The following SNX9 variants were observed in gnomAD, a reference collection of about 807,000 sequenced individuals.
The protein encoded by SNX9 is sorting nexin 9.
In SNX9, 44 loss-of-function variants were observed where a neutral mutation model predicts 89.4. The ratio of observed to expected loss-of-function variants is 0.49; its 90% CI spans 0.39 to 0.63. The LOEUF is 0.63. Ranked by LOEUF, SNX9 falls within the 30% of genes least tolerant of loss-of-function variation. The pLI is 0.00. For synonymous variants in SNX9, 236 were observed against 247.8 expected, an observed-to-expected ratio of 0.95 and a Z score of 0.45; for missense variants, 578 against 736.1, an observed-to-expected ratio of 0.79 and a Z score of 2.49.
intron 1 of SNX9, among the ~76,000 whole-genome samples, chr6:157,841,528 T>G (rs1028366219): frequency 2.0e-4 from 31 of 152,144 alleles, no homozygotes; most frequent in African/African-American, 7.2e-4. Context: ...TTTAATTGGT[T>G]CCAGGAGGTC....
At chr6:157,825,882 G>A (rs1297219661) in intron 1 of SNX9, among the ~76,000 whole-genome samples, 2 of 152,078 alleles carry the variant, frequency 1.3e-5, no homozygotes, top group Admixed American at 6.6e-5. Context: ...TCAAGGGGTG[G>A]GGAGAATGTG....
intron 1 of SNX9, among the ~76,000 whole-genome samples, chr6:157,865,775 C>T (rs1324842314): frequency 6.6e-6 from 1 of 152,128 alleles, no homozygotes; most frequent in Non-Finnish European, 1.5e-5. Context: ...CCTTTATTCT[C>T]ATTAAAATAA....
In SNX9 at chr6:157,823,449, G is replaced by T; in HGVS notation, c.12+3G>T. On this transcript the variant is annotated splice_donor_region_variant and intron_variant, in intron 1 of 17. Coordinates refer to ENST00000392185, the MANE Select transcript of SNX9 (RefSeq NM_016224.5). This position sits in a 1 kb window ranked among gnomAD's most constrained non-coding sequence, Gnocchi z 4.6. ...ACCCGCCCGCCATGGCCACCAAGGTGAGGGGCGCGCGGCGCAGGCCGGGCC... is the reference window on the plus strand; with the variant it reads ...ACCCGCCCGCCATGGCCACCAAGGTTAGGGGCGCGCGGCGCAGGCCGGGCC... 3 of 1,226,116 alleles carry T rather than the reference G, an allele frequency of 2.4e-6. No homozygotes were observed. The highest frequency in any genetic ancestry group is 5.9e-5 in the South Asian group (2 of 34,018). The allele number at this position is 1,226,116 out of a possible 1,614,324, so 76.0% of individuals were successfully genotyped here.
intron 1 of SNX9, among the ~76,000 whole-genome samples, chr6:157,825,322 C>CA (rs1264210654): frequency 6.6e-6 from 1 of 152,104 alleles, no homozygotes; most frequent in Non-Finnish European, 1.5e-5. Flanking sequence ...TAGTGGTGGT[C>CA]AGTGTGTTTT....
intron 1 of SNX9, among the ~76,000 whole-genome samples, chr6:157,867,085 A>G (rs554178514): frequency 7.2e-5 from 11 of 151,980 alleles, no homozygotes; most frequent in Non-Finnish European, 1.5e-4. Flanking sequence ...AGTAGCTGGT[A>G]CTACAGGTGC....
chr6:157,911,103 A>T (rs1783333305), intron 9 of SNX9, among the ~76,000 whole-genome samples: 1 of 144,752 alleles, frequency 6.9e-6, no homozygotes, highest in South Asian at 2.1e-4. Flanking sequence ...ACAGAGCGAG[A>T]CTCTGTCTCA....
At chr6:157,865,456 G>A (rs1374711636) in intron 1 of SNX9, among the ~76,000 whole-genome samples, 1 of 117,752 alleles carries the variant, frequency 8.5e-6, no homozygotes, top group Non-Finnish European at 1.7e-5. Context: ...ACGCCCTGAG[G>A]GGAGCCGTCC....
Position 157,926,659 on chromosome 6 carries a change from A to T in SNX9, c.1081-452A>T, listed in dbSNP as rs191249479. On this transcript the variant is annotated intron_variant, in intron 10 of 17. Coordinates refer to ENST00000392185, the MANE Select transcript of SNX9 (RefSeq NM_016224.5). The stretch of plus-strand genomic sequence containing the variant: ...TAGCCAGGCATGGTGGCATGCGCCT[A>T]AAGTCCCAGCTACTTGGGGGCTGAG... 2.3e-3 allele frequency among the ~76,000 whole-genome samples: 349 copies of T among 151,792 alleles called. 1 individual carries two copies. The highest frequency in any genetic ancestry group is 4.0e-3 in the Non-Finnish European group (274 of 67,892).
chr6:157,895,519 T>G (rs1782960213), intron 4 of SNX9, among the ~76,000 whole-genome samples: 2 of 152,100 alleles, frequency 1.3e-5, no homozygotes, highest in Non-Finnish European at 2.9e-5. Flanking sequence ...CATATACTGG[T>G]CAAGTTGTAG....
intron 1 of SNX9, among the ~76,000 whole-genome samples, chr6:157,856,000 C>T (rs555114898): frequency 5.6e-4 from 86 of 152,342 alleles, no homozygotes; most frequent in African/African-American, 1.1e-3. Flanking sequence ...CCACCCGCCT[C>T]GGCCTCCCAG....
intron 12 of SNX9, among the ~76,000 whole-genome samples, chr6:157,929,441 G>A (rs892674667): frequency 2.6e-5 from 4 of 152,182 alleles, no homozygotes; most frequent in East Asian, 1.9e-4. Flanking sequence ...TGTCCCATGC[G>A]CAGATGCCTT....
intron 4 of SNX9, among the ~76,000 whole-genome samples, chr6:157,881,507 A>T (rs1189586419): frequency 2.6e-5 from 4 of 152,208 alleles, no homozygotes; most frequent in South Asian, 2.1e-4. Flanking sequence ...TATTAAGCTT[A>T]GTGAGGAAGG....
rs1020801604 is a variant in SNX9, at chr6:157,823,856, C to A, written c.12+410C>A. 6.6e-6 allele frequency among the ~76,000 whole-genome samples: 1 copy of A among 151,976 alleles called. No individual in the cohort carries two copies. The highest frequency in any genetic ancestry group is 1.5e-5 in the Non-Finnish European group (1 of 67,952). ...TCCCCGCCGCCCCCACGTCCCCTCC[C>A]GCTGCCGCCTGGGGGACCCTCGCCC... On this transcript the variant is annotated intron_variant, in intron 1 of 17. Transcript: ENST00000392185. This position sits in a 1 kb window ranked among gnomAD's most constrained non-coding sequence, Gnocchi z 4.6.
chr6:157,940,010 A>T (rs78011787), intron 16 of SNX9, among the ~76,000 whole-genome samples: 9,551 of 152,228 alleles, frequency 0.063, 553 homozygotes, highest in African/African-American at 0.15. Context: ...TTCAGCAAAC[A>T]TGAAGAAAGT....
chr6:157,875,614 G>T (rs1251619572), intron 4 of SNX9, among the ~76,000 whole-genome samples: 1 of 152,204 alleles, frequency 6.6e-6, no homozygotes, highest in Non-Finnish European at 1.5e-5. Context: ...CATCCTGCGA[G>T]TAGAAGCAGT....
intron 2 of SNX9, among the ~76,000 whole-genome samples, chr6:157,871,798 A>T (rs1365974123): frequency 7.2e-6 from 1 of 138,554 alleles, no homozygotes; most frequent in Non-Finnish European, 1.5e-5. Context: ...TTTTTTGCAG[A>T]CAGGCTCTCA....
rs16900522 is a variant in SNX9 at position 157,938,885 on chromosome 6, C to G, written c.1648+138C>G. ...TTTAAGCCCCTCGTTTGCAGGATCCCGGTGCTGATGAAAATCTGTAATATT... is the reference window on the plus strand; with the variant it reads ...TTTAAGCCCCTCGTTTGCAGGATCCGGGTGCTGATGAAAATCTGTAATATT... On this transcript the variant is annotated intron_variant, in intron 16 of 17. Transcript: ENST00000392185. The G allele has an allele frequency of 1.6e-3, 958 of 599,520 alleles. 7 individuals carry two copies. The highest frequency in any genetic ancestry group is 0.015 in the African/African-American group (834 of 54,724). 37.1% of individuals were successfully genotyped at this position (599,520 alleles called of 1,614,324 possible). A position where few individuals can be genotyped will look rare whatever the true frequency, so the allele number is the denominator to read the frequency against.
In SNX9 at chr6:157,936,031, G is replaced by A. The variant is rs1373459088; in HGVS notation, c.1434G>A (p.Val478=). 1 of 1,611,252 alleles carries A rather than the reference G, an allele frequency of 6.2e-7. No homozygotes were observed. The highest frequency in any genetic ancestry group is 2.2e-5 in the East Asian group (1 of 44,794). ...GKTYEEIASL[V]AEQPKKDLHF... ...CTTATGAAGAAATTGCCAGTCTCGTGGCAGAACAGGTACTAACATAATCAC... is the reference window on the plus strand; with the variant it reads ...CTTATGAAGAAATTGCCAGTCTCGTAGCAGAACAGGTACTAACATAATCAC... The change falls in exon 14 of 18, where the codon GTG becomes GTA. Residue 478 remains valine (V), a synonymous_variant. Coordinates refer to ENST00000392185, the MANE Select transcript of SNX9 (RefSeq NM_016224.5).
chr6:157,928,264 C>G (rs1217114867), intron 11 of SNX9, among the ~76,000 whole-genome samples: 6 of 152,092 alleles, frequency 3.9e-5, no homozygotes, highest in Non-Finnish European at 5.9e-5. Context: ...CATTAGCAAC[C>G]CCTGTTATTC....
Sources: gnomAD v4.1 joint callset for allele counts (sites outside exome capture counted in the v4.1 genomes callset) on GRCh38, gnomAD v4.1.1 for gene constraint, Gnocchi (gnomAD v3.1) non-coding constraint, MANE v1.5 for transcripts, NCBI Gene and HGNC (gene_info 2026-07-23, HGNC 2026-07-21) for gene names.